Variants in RFX8 observed in about 807,000 individuals in gnomAD.
RFX8 encodes the protein regulatory factor X8.
In RFX8, 46 loss-of-function variants were observed where a neutral mutation model predicts 54.6. That is an observed-to-expected ratio of 0.84 (90% confidence interval 0.67 to 1.08). RFX8 has a LOEUF of 1.08. RFX8 is among the 50% of genes least tolerant of loss of function. RFX8 has a pLI of 0.00. For synonymous variants in RFX8, 192 were observed against 209.5 expected, an observed-to-expected ratio of 0.92 and a Z score of 0.72; for missense variants, 536 against 562.3, an observed-to-expected ratio of 0.95 and a Z score of 0.47.
At chr2:101,407,836 G>A (rs1685833705) in intron 9 of RFX8, among the ~76,000 whole-genome samples, 1 of 152,156 alleles carries the variant, frequency 6.6e-6, no homozygotes, top group Non-Finnish European at 1.5e-5. Context: ...TCCACAGTGT[G>A]GCACTTCATG....
intron 1 of RFX8, chr2:101,474,174 C>T (rs1038025011): frequency 3.0e-5 from 19 of 624,736 alleles, no homozygotes; most frequent in Non-Finnish European, 4.6e-5. Flanking sequence ...CTCCTCCATC[C>T]CAGCGTCCCA....
At chr2:101,428,493 G>C (rs1358625713) in intron 2 of RFX8, among the ~76,000 whole-genome samples, 1 of 152,172 alleles carries the variant, frequency 6.6e-6, no homozygotes, top group East Asian at 1.9e-4. Flanking sequence ...GTTTGTTGTT[G>C]AAGCCATCCT....
Position 101,428,988 on chromosome 2 carries a change from T to C in RFX8, c.73-6516A>G, listed in dbSNP as rs1261887305. The C allele has an allele frequency of 3.9e-6, 6 of 1,533,766 alleles. No homozygotes were observed. The East Asian group carries it at 7.3e-5, about 19-fold the overall frequency. ...TCTTGTTGGATAATGCTGTTATAAT[T>C]AGTAGATTTTTCAAAGGCAATGGCA... On this transcript the variant is annotated intron_variant, in intron 2 of 11. Transcript: ENST00000428343.
intron 2 of RFX8, among the ~76,000 whole-genome samples, chr2:101,437,348 G>A (rs1033397466): frequency 2.6e-5 from 4 of 152,242 alleles, no homozygotes; most frequent in Non-Finnish European, 4.4e-5. Context: ...TGAGGCAGGA[G>A]GATCCCTTGA....
chr2:101,436,095 G>T (rs975028347), intron 2 of RFX8, among the ~76,000 whole-genome samples: 7 of 152,160 alleles, frequency 4.6e-5, no homozygotes, highest in Non-Finnish European at 8.8e-5. Flanking sequence ...CCCAGCAGAC[G>T]GGTGTGGAGG....
At chr2:101,425,138 G>T (rs1485922649) in intron 2 of RFX8, among the ~76,000 whole-genome samples, 1 of 152,154 alleles carries the variant, frequency 6.6e-6, no homozygotes, top group Admixed American at 6.5e-5. Flanking sequence ...TCATTGGCCT[G>T]ATCATAGGCG....
intron 2 of RFX8, among the ~76,000 whole-genome samples, chr2:101,451,237 C>T (rs7569373): frequency 0.35 from 52,432 of 151,968 alleles, 9,727 homozygotes; most frequent in African/African-American, 0.44. Context: ...GTCTTCAATT[C>T]CTTGGTGAGT....
In RFX8 at chr2:101,406,075, G is replaced by GA; in HGVS notation, c.814-19dup. 3.6e-6 allele frequency: 5 copies of GA among 1,406,970 alleles called. No individual in the cohort carries two copies. The highest frequency in any genetic ancestry group is 2.6e-5 in the South Asian group (2 of 76,372). 87.2% of individuals were successfully genotyped at this position (1,406,970 alleles called of 1,614,324 possible). A position where few individuals can be genotyped will look rare whatever the true frequency, so the allele number is the denominator to read the frequency against. On this transcript the variant is annotated intron_variant, in intron 9 of 11. Transcript: ENST00000428343. The stretch of plus-strand genomic sequence containing the variant: ...CTGCTTGTCTGTTAAGTTTTTGTGA[G>GA]AAAAAAGGCTGCAGTTTGTAATAAA...
rs548493697 is a variant in RFX8, at chr2:101,440,738, G to C, written c.73-18266C>G. On this transcript the variant is annotated intron_variant, in intron 2 of 11. Transcript: ENST00000428343. ...GAGTCCTTCTACTGGATCTCTGCAA[G>C]TGGAGGTGGTCTTGGAGATCCCTAG... Among the ~76,000 whole-genome samples, 259 of 152,296 alleles carry C rather than the reference G, an allele frequency of 1.7e-3. 3 individuals carry two copies. The highest frequency in any genetic ancestry group is 8.3e-3 in the South Asian group (40 of 4,824).
At chr2:101,429,542 T>C (rs1050591094) in intron 2 of RFX8, among the ~76,000 whole-genome samples, 2 of 152,192 alleles carry the variant, frequency 1.3e-5, no homozygotes, top group African/African-American at 4.8e-5. Context: ...ATCTATGCAG[T>C]ACGGTGCATT....
At chr2:101,414,312 G>A (rs1686351432) in intron 7 of RFX8, among the ~76,000 whole-genome samples, 1 of 152,046 alleles carries the variant, frequency 6.6e-6, no homozygotes, top group African/African-American at 2.4e-5. Flanking sequence ...TTGTTGTTCA[G>A]GCTGGAGTAC....
intron 2 of RFX8, among the ~76,000 whole-genome samples, chr2:101,433,239 G>T (rs1471890696): frequency 6.6e-6 from 1 of 152,162 alleles, no homozygotes; most frequent in Non-Finnish European, 1.5e-5. Context: ...CGCCCCCCAA[G>T]ACCTTTTCCA....
Position 101,421,778 on chromosome 2 carries a change from C to T in RFX8, c.184-1G>A. ...AGTATTCGTCAGCAAGGAAGGCCAT[C>T]TAGGAAGAATATGGAAAATTATTTC... On this transcript the variant is annotated splice_acceptor_variant, in intron 3 of 11. Coordinates refer to ENST00000428343, the MANE Select transcript of RFX8 (RefSeq NM_001145664.2). LOFTEE classifies it high-confidence loss of function. 1 of 1,547,918 alleles carries T rather than the reference C, an allele frequency of 6.5e-7. No individual in the cohort carries two copies. Among genetic ancestry groups the T allele is most frequent in the Non-Finnish European group, 8.7e-7 (1 of 1,144,696 alleles).
chr2:101,407,695 T>TAA (rs979718832), intron 9 of RFX8, among the ~76,000 whole-genome samples: 9 of 145,442 alleles, frequency 6.2e-5, no homozygotes, highest in African/African-American at 2.0e-4. Context: ...CCATCTCAAT[T>TAA]AAAAAAAAAA....
intron 1 of RFX8, among the ~76,000 whole-genome samples, chr2:101,473,306 A>G (rs1022793909): frequency 6.6e-6 from 1 of 152,220 alleles, no homozygotes; most frequent in Non-Finnish European, 1.5e-5. Flanking sequence ...CCTTTCTTCT[A>G]AGAACGATGC....
In RFX8 at chr2:101,409,333, G is replaced by A. The variant is rs182867019; in HGVS notation, c.813+1286C>T. ...CAGTTCCCAGGTTCAAGTGATTCTC[G>A]TGCCTCAGCCTCCCGAGTAGCTGGG... On this transcript the variant is annotated intron_variant, in intron 9 of 11. Coordinates refer to ENST00000428343, the MANE Select transcript of RFX8 (RefSeq NM_001145664.2). Among the ~76,000 whole-genome samples the A allele has an allele frequency of 3.2e-3, 477 of 151,332 alleles. 4 individuals carry two copies. The highest frequency in any genetic ancestry group is 0.011 in the African/African-American group (453 of 41,200).
At chr2:101,398,900 C>T (rs536934934) in intron 11 of RFX8, among the ~76,000 whole-genome samples, 1 of 152,312 alleles carries the variant, frequency 6.6e-6, no homozygotes, top group East Asian at 1.9e-4. Flanking sequence ...CAAAAACCAT[C>T]ACCACCCAGT....
At chr2:101,474,503 C>T (rs1690203195) in intron 1 of RFX8, 133 bp downstream of exon 1, 1 of 338,552 alleles carries the variant, frequency 3.0e-6, no homozygotes, top group Admixed American at 4.8e-5. Flanking sequence ...CCCCCGCGCC[C>T]CGCCGAGGAT....
At chr2:101,433,296 A>G (rs1476716323) in intron 2 of RFX8, among the ~76,000 whole-genome samples, 2 of 151,904 alleles carry the variant, frequency 1.3e-5, no homozygotes, top group Non-Finnish European at 2.9e-5. Context: ...GGTCTTACAC[A>G]ATGGTCTGAG....
Sources: allele counts gnomAD v4.1 joint callset (sites outside exome capture counted in the v4.1 genomes callset), GRCh38; gene constraint gnomAD v4.1.1; transcripts MANE v1.5; gene names NCBI Gene and HGNC (gene_info 2026-07-23, HGNC 2026-07-21).